AGBL1: variants seen among roughly 807,000 people sequenced by gnomAD.
The protein encoded by AGBL1 is cytosolic carboxypeptidase 4.
AGBL1 carries 130 observed loss-of-function variants against 118.9 expected under a neutral mutation model. The ratio of observed to expected loss-of-function variants is 1.09; its 90% confidence interval spans 0.95 to 1.26. The LOEUF is 1.26. Ranked by LOEUF, AGBL1 falls within the 50% of genes most tolerant of loss-of-function variation. The pLI is 0.00. For synonymous variants in AGBL1, 555 were observed against 478.9 expected (o/e 1.16, Z -2.08); for missense variants, 1,584 against 1,298.1 (o/e 1.22, Z -3.38).
intron 17 of AGBL1, among the ~76,000 whole-genome samples, chr15:86,309,630 T>G (rs1275020589): frequency 1.3e-5 from 2 of 152,222 alleles, no homozygotes; most frequent in Non-Finnish European, 2.9e-5. Flanking sequence ...GGATATTGAA[T>G]TTTATGGCAT....
rs530237403 is a variant in AGBL1 at position 86,863,536 on chromosome 15, G to GAA, written c.3159-43538_3159-43537dup. Among the ~76,000 whole-genome samples, 2 of 126,904 alleles carry GAA rather than the reference G, an allele frequency of 1.6e-5. 1 individual carries two copies. Among genetic ancestry groups the GAA allele is most frequent in the South Asian group, 5.1e-4 (2 of 3,884 alleles). The allele number at this position is 126,904 out of a possible 152,430, so 83.3% of individuals were successfully genotyped here. ...CTGTTACTGGGCTCAGTTTTCTTTG[G>GAA]AAAAAAAAAAAAAAGCCCTCATTTT... is the stretch of plus-strand genomic sequence containing the variant. On this transcript the variant is annotated intron_variant, in intron 22 of 22. Transcript: ENST00000614907.
chr15:86,091,874 T>C lies in AGBL1; in HGVS notation c.51+11851T>C, dbSNP rs544327957. ...CCAACTTGGTCTTGGACATCTTTCA[T>C]ACTTGATTTGTTCTTGTGAAAGTCA... On this transcript the variant is annotated intron_variant, in intron 1 of 22. Transcript: ENST00000614907. Among the ~76,000 whole-genome samples the C allele has an allele frequency of 2.0e-4, 31 of 152,308 alleles. 1 individual carries two copies. The highest frequency in any genetic ancestry group is 7.5e-4 in the African/African-American group (31 of 41,566).
chr15:86,862,720 C>G (rs912401396), intron 22 of AGBL1, among the ~76,000 whole-genome samples: 4 of 152,112 alleles, frequency 2.6e-5, no homozygotes, highest in Non-Finnish European at 5.9e-5. Context: ...ACTCCATCTC[C>G]AAACAAAAAC....
rs2141603301 is a variant in AGBL1 at position 86,912,331 on chromosome 15, A to G, written c.*5037A>G. On this transcript the variant is annotated 3_prime_UTR_variant, in exon 23 of 23. Transcript: ENST00000614907. ...AGAGTGGTGATAATGGAGGGGTGGCATCTCCAAGGGTTCCCAGGAGCTGCC... is the reference window on the plus strand; with the variant it reads ...AGAGTGGTGATAATGGAGGGGTGGCGTCTCCAAGGGTTCCCAGGAGCTGCC... 1 of 152,150 alleles carries G rather than the reference A, an allele frequency of 6.6e-6. No individual in the cohort carries two copies. The highest frequency in any genetic ancestry group is 2.1e-4 in the South Asian group (1 of 4,794). The allele number at this position is 152,150 out of a possible 1,614,324, so 9.4% of individuals were successfully genotyped here.
intron 1 of AGBL1, among the ~76,000 whole-genome samples, chr15:86,141,097 G>A (rs2076957135): frequency 6.6e-6 from 1 of 152,198 alleles, no homozygotes; most frequent in South Asian, 2.1e-4. Context: ...TGGGAGACTG[G>A]ACTGAGTGGT....
chr15:86,810,831 C>T (rs150955737), intron 22 of AGBL1, among the ~76,000 whole-genome samples: 1,616 of 152,256 alleles, frequency 0.011, 23 homozygotes, highest in Middle Eastern at 0.061. Flanking sequence ...AGACACAGTT[C>T]GTGGTACTGG....
At chr15:86,426,345 A>G (rs1254935002) in intron 18 of AGBL1, among the ~76,000 whole-genome samples, 1 of 152,214 alleles carries the variant, frequency 6.6e-6, no homozygotes, top group East Asian at 1.9e-4. Context: ...TGGCAGATCC[A>G]GGACAAAGAA....
At chr15:86,464,812 C>G (rs1481894109) in intron 18 of AGBL1, among the ~76,000 whole-genome samples, 1 of 151,930 alleles carries the variant, frequency 6.6e-6, no homozygotes, top group African/African-American at 2.4e-5. Flanking sequence ...GATGGATAAG[C>G]TTTTTAACAT....
At chr15:86,299,697 C>G (rs2079715781) in intron 17 of AGBL1, 3 of 152,124 alleles carry the variant, frequency 2.0e-5, no homozygotes, top group Admixed American at 1.3e-4. Flanking sequence ...TTAAATCCTT[C>G]AACACATTAT....
At chr15:87,002,145 T>G (rs2081446617) in intron 24 of AGBL1, among the ~76,000 whole-genome samples, 1 of 152,066 alleles carries the variant, frequency 6.6e-6, no homozygotes, top group South Asian at 2.1e-4. Flanking sequence ...CATCTTGAAT[T>G]AATTTTTGTA....
chr15:86,993,845 A>G (rs539037239), intron 24 of AGBL1, among the ~76,000 whole-genome samples: 2 of 152,236 alleles, frequency 1.3e-5, no homozygotes, highest in South Asian at 4.1e-4. Context: ...CTTTGCAAGG[A>G]TAGCTCTTTA....
At chr15:86,619,390 C>G (rs1448478858) in intron 21 of AGBL1, among the ~76,000 whole-genome samples, 4 of 152,156 alleles carry the variant, frequency 2.6e-5, no homozygotes, top group African/African-American at 9.7e-5. Flanking sequence ...ATGCTTCTTT[C>G]TCTCTTTTAA....
At chr15:86,706,854 C>T (rs140404859) in intron 22 of AGBL1, among the ~76,000 whole-genome samples, 1 of 152,202 alleles carries the variant, frequency 6.6e-6, no homozygotes, top group Non-Finnish European at 1.5e-5. Flanking sequence ...ATTAGAAACA[C>T]CTACTTAACC....
intron 18 of AGBL1, among the ~76,000 whole-genome samples, chr15:86,489,065 G>T (rs796065937): frequency 2.6e-5 from 4 of 151,922 alleles, no homozygotes; most frequent in African/African-American, 9.7e-5. Context: ...CATAGCAGAA[G>T]GGCTGCAGGA....
chr15:86,499,277 G>T (rs1019103441), intron 18 of AGBL1, among the ~76,000 whole-genome samples: 1 of 151,878 alleles, frequency 6.6e-6, no homozygotes, highest in Non-Finnish European at 1.5e-5. Flanking sequence ...AGAAAAACAC[G>T]CTATTGTTAA....
intron 21 of AGBL1, among the ~76,000 whole-genome samples, chr15:86,593,429 G>A (rs1253958726): frequency 1.3e-5 from 2 of 151,874 alleles, no homozygotes; most frequent in Non-Finnish European, 2.9e-5. Flanking sequence ...AACCATGAGA[G>A]CATATGGATA....
chr15:86,998,001 T>G (rs2081396019), intron 24 of AGBL1, among the ~76,000 whole-genome samples: 2 of 151,998 alleles, frequency 1.3e-5, no homozygotes, highest in Non-Finnish European at 2.9e-5. Context: ...GTAAATGAAC[T>G]AGATATGTAA....
At chr15:86,445,024 A>C (rs139763419) in intron 18 of AGBL1, among the ~76,000 whole-genome samples, 1 of 152,284 alleles carries the variant, frequency 6.6e-6, no homozygotes, top group African/African-American at 2.4e-5. Flanking sequence ...GGTGGAAACC[A>C]CGTTGTCTTT....
At chr15:86,818,639 C>T (rs968231381) in intron 22 of AGBL1, among the ~76,000 whole-genome samples, 1 of 152,024 alleles carries the variant, frequency 6.6e-6, no homozygotes. Context: ...TTGGTGAAAA[C>T]TTGTCCAGGA....
Sources: gnomAD v4.1 joint callset for allele counts (sites outside exome capture counted in the v4.1 genomes callset) on GRCh38, gnomAD v4.1.1 for gene constraint, MANE v1.5 for transcripts, NCBI Gene and HGNC (gene_info 2026-07-23, HGNC 2026-07-21) for gene names.